SPPL3: variants seen among roughly 807,000 people sequenced by gnomAD.
The protein encoded by SPPL3 is signal peptide peptidase-like 3.
A neutral mutation model predicts 42.4 loss-of-function variants in SPPL3; 5 were observed. That is an observed-to-expected ratio of 0.12 (90% confidence interval 0.06 to 0.25). The LOEUF (loss-of-function observed/expected upper bound fraction) is 0.25, where lower values mean the gene tolerates loss of function less well. SPPL3 is among the 10% of genes least tolerant of loss of function. The pLI, the probability that SPPL3 is intolerant of heterozygous loss-of-function variation, is 1.00. For missense variants in SPPL3, 235 were observed against 489.0 expected, an observed-to-expected ratio of 0.48 and a Z score of 4.90; for synonymous variants, 195 against 181.8, an observed-to-expected ratio of 1.07 and a Z score of -0.58.
intron 1 of SPPL3, among the ~76,000 whole-genome samples, chr12:120,887,470 C>T (rs562042659): frequency 6.6e-6 from 1 of 152,310 alleles, no homozygotes; most frequent in South Asian, 2.1e-4. Flanking sequence ...CATGAAACCA[C>T]TCCTAGTCCC....
intron 2 of SPPL3, among the ~76,000 whole-genome samples, chr12:120,796,412 C>A (rs1870099399): frequency 1.3e-5 from 2 of 152,078 alleles, no homozygotes; most frequent in South Asian, 4.1e-4. Context: ...ATCTATCTAA[C>A]TTTTTGTATA....
chr12:120,894,093 G>C (rs1285568948), intron 1 of SPPL3, among the ~76,000 whole-genome samples: 1 of 152,186 alleles, frequency 6.6e-6, no homozygotes, highest in Admixed American at 6.5e-5. Flanking sequence ...CGAGGCTGAG[G>C]CAGGCAGATG....
intron 1 of SPPL3, among the ~76,000 whole-genome samples, chr12:120,820,645 T>A (rs1299864857): frequency 6.6e-6 from 1 of 152,082 alleles, no homozygotes; most frequent in Non-Finnish European, 1.5e-5. Context: ...AACATTATAA[T>A]GTTGGAGATC....
At chr12:120,808,965 A>G (rs1870591023) in intron 2 of SPPL3, among the ~76,000 whole-genome samples, 1 of 152,246 alleles carries the variant, frequency 6.6e-6, no homozygotes, top group Non-Finnish European at 1.5e-5. Flanking sequence ...TATCAAGATT[A>G]CACTGATAAG....
At chr12:120,825,623 GGGTTAAATTATGGT>G (rs1191697806) in intron 1 of SPPL3, among the ~76,000 whole-genome samples, 1 of 152,204 alleles carries the variant, frequency 6.6e-6, no homozygotes, top group Non-Finnish European at 1.5e-5. Flanking sequence ...GTTTACAGAG[GGGTTAAATTATGGT>G]GTACTTGAAG....
intron 1 of SPPL3, among the ~76,000 whole-genome samples, chr12:120,825,504 A>C (rs1428090303): frequency 3.9e-5 from 6 of 152,194 alleles, no homozygotes; most frequent in Non-Finnish European, 7.3e-5. Flanking sequence ...TCATGATCTT[A>C]ACTCTCTAGT....
chr12:120,841,078 C>T (rs149104846), intron 1 of SPPL3, among the ~76,000 whole-genome samples: 1 of 152,104 alleles, frequency 6.6e-6, no homozygotes, highest in Non-Finnish European at 1.5e-5. Context: ...ATAATCCCAG[C>T]ACTTTGGGAA....
At chr12:120,869,243 G>A (rs1040566121) in intron 1 of SPPL3, among the ~76,000 whole-genome samples, 1 of 152,220 alleles carries the variant, frequency 6.6e-6, no homozygotes, top group African/African-American at 2.4e-5. Context: ...ATACCATGAG[G>A]AGTACTGCTG....
intron 1 of SPPL3, among the ~76,000 whole-genome samples, chr12:120,853,515 C>T (rs917829711): frequency 6.6e-6 from 1 of 152,120 alleles, no homozygotes; most frequent in Non-Finnish European, 1.5e-5. Context: ...CATAGTATTC[C>T]TAATTCTTTT....
chr12:120,825,355 C>A (rs144659992), intron 1 of SPPL3, among the ~76,000 whole-genome samples: 3 of 152,176 alleles, frequency 2.0e-5, no homozygotes, highest in African/African-American at 7.2e-5. Context: ...TCAAACAGAC[C>A]TGATGTATTC....
At chr12:120,900,519 C>T (rs537804133) in intron 1 of SPPL3, among the ~76,000 whole-genome samples, 3 of 150,436 alleles carry the variant, frequency 2.0e-5, no homozygotes, top group African/African-American at 7.4e-5. Context: ...GTGGGAGGAT[C>T]GCTTAAGCCC....
At chr12:120,768,735 TCTATC>T in intron 7 of SPPL3, 1 of 630,716 alleles carries the variant, frequency 1.6e-6, no homozygotes, top group Non-Finnish European at 2.7e-6. Context: ...TGTTACCTCT[TCTATC>T]CTAGGAGTCA....
chr12:120,772,015 T>C (rs2136969472), intron 6 of SPPL3, among the ~76,000 whole-genome samples: 1 of 152,320 alleles, frequency 6.6e-6, no homozygotes, highest in South Asian at 2.1e-4. Context: ...ACCAGTCAGT[T>C]GCTGCTGCTC....
intron 1 of SPPL3, among the ~76,000 whole-genome samples, chr12:120,843,830 C>A (rs145370265): frequency 6.6e-6 from 1 of 152,196 alleles, no homozygotes; most frequent in Admixed American, 6.5e-5. Flanking sequence ...TGGTGGCACG[C>A]GCCTATAACC....
chr12:120,883,384 C>G (rs1353017236), intron 1 of SPPL3, among the ~76,000 whole-genome samples: 1 of 152,326 alleles, frequency 6.6e-6, no homozygotes, highest in African/African-American at 2.4e-5. Flanking sequence ...AAAGCTTGAA[C>G]TCTAACCTAT....
chr12:120,783,585 C>G, intron 5 of SPPL3, 89 bp downstream of exon 5: 1 of 1,252,252 alleles, frequency 8.0e-7, no homozygotes, highest in Non-Finnish European at 1.1e-6. Context: ...CAGCCAATAA[C>G]AGAAATTGAG....
At position 120,798,145 on chromosome 12, in the gene SPPL3, G is replaced by A. The variant is rs568435817; in HGVS notation, c.102-6588C>T. ...GACCAAAACACAGCGACTTTTAGAT[G>A]TGGTGGACTCCCTGAAACATGGTTA... On this transcript the variant is annotated intron_variant, in intron 2 of 10. Coordinates refer to ENST00000353487, the MANE Select transcript of SPPL3 (RefSeq NM_139015.5). 2.0e-5 allele frequency among the ~76,000 whole-genome samples: 3 copies of A among 152,312 alleles called. No homozygotes were observed. In the South Asian group the frequency reaches 6.2e-4, roughly 32 times the overall value.
intron 1 of SPPL3, among the ~76,000 whole-genome samples, chr12:120,853,843 T>TC: frequency 6.6e-6 from 1 of 152,108 alleles, no homozygotes; most frequent in Admixed American, 6.6e-5. Context: ...CACATTTTCA[T>TC]AGCAATTCAG....
intron 1 of SPPL3, among the ~76,000 whole-genome samples, chr12:120,849,078 G>T (rs1425056671): frequency 1.3e-5 from 2 of 152,062 alleles, no homozygotes; most frequent in Non-Finnish European, 2.9e-5. Flanking sequence ...GAGATGGGAG[G>T]ATTGCGTGAG....
Sources: allele counts gnomAD v4.1 joint callset (sites outside exome capture counted in the v4.1 genomes callset), GRCh38; gene constraint gnomAD v4.1.1; transcripts MANE v1.5; gene names NCBI Gene and HGNC (gene_info 2026-07-23, HGNC 2026-07-21).